Variants in ARHGEF26 observed in about 807,000 individuals in gnomAD.
ARHGEF26 encodes Rho guanine nucleotide exchange factor (GEF) 26.
Under a neutral mutation model 89.4 loss-of-function variants are expected in ARHGEF26, and 59 were observed. The observed-to-expected ratio is 0.66, with a 90% CI of 0.54 to 0.82. ARHGEF26 has a LOEUF of 0.82. ARHGEF26 is among the 40% of genes least tolerant of loss of function. The pLI is 0.00. For synonymous variants in ARHGEF26, 500 were observed against 428.4 expected (o/e 1.17, Z -2.06); for missense variants, 1,234 against 1,085.6 (o/e 1.14, Z -1.92).
At position 154,194,676 on chromosome 3, in the gene ARHGEF26, G is replaced by A. The variant is rs781353937; in HGVS notation, c.1803G>A (p.Pro601=). 1.8e-5 allele frequency: 29 copies of A among 1,612,628 alleles called. No individual in the cohort carries two copies. The East Asian group carries it at 2.0e-4, about 11-fold the overall frequency. The change falls in exon 9 of 15, where the codon CCG becomes CCA. Residue 601 remains proline, a synonymous_variant. Coordinates refer to ENST00000465093, the MANE Select transcript of ARHGEF26 (RefSeq NM_015595.4). ...TICQKTPKDS[P]KYEVCKRALK... ...GTCAAAAAACACCTAAGGACTCTCC[G>A]AAGTATGAAGTCTGCAAAAGAGCCT...
intron 6 of ARHGEF26, 109 bp downstream of exon 6, chr3:154,153,041 G>A: frequency 9.5e-7 from 1 of 1,054,190 alleles, no homozygotes; most frequent in Non-Finnish European, 1.3e-6. Flanking sequence ...CATTCAGTTG[G>A]CTTTTGTCTT....
At chr3:154,195,058 C>G (rs1355470558) in intron 9 of ARHGEF26, among the ~76,000 whole-genome samples, 1 of 152,154 alleles carries the variant, frequency 6.6e-6, no homozygotes, top group African/African-American at 2.4e-5. Flanking sequence ...ATGAGTGAGG[C>G]ACGTGTAGTC....
At position 154,256,447 on chromosome 3, in the gene ARHGEF26, C is replaced by T. The variant is rs78732135; in HGVS notation, c.*974C>T. The T allele has an allele frequency of 2.4e-3, 2,005 of 841,550 alleles. 44 individuals carry two copies. In the African/African-American group the frequency reaches 0.033, roughly 14 times the overall value. 52.1% of individuals were successfully genotyped at this position (841,550 alleles called of 1,614,324 possible). A position where few individuals can be genotyped will look rare whatever the true frequency, so the allele number is the denominator to read the frequency against. On this transcript the variant is annotated 3_prime_UTR_variant, in exon 15 of 15. Coordinates refer to ENST00000465093, the MANE Select transcript of ARHGEF26 (RefSeq NM_015595.4). Reference sequence around the variant, plus strand: ...CATGTTGGCCAGGATGGTCTCTTAACTCCTGCCCTCAAGTGATCCACCAGA... The same window carrying T: ...CATGTTGGCCAGGATGGTCTCTTAATTCCTGCCCTCAAGTGATCCACCAGA...
intron 9 of ARHGEF26, among the ~76,000 whole-genome samples, chr3:154,202,233 T>C (rs1450163880): frequency 6.6e-6 from 1 of 152,178 alleles, no homozygotes; most frequent in Non-Finnish European, 1.5e-5. Context: ...GGCTAGCCAG[T>C]TTTCCCAGCA....
At chr3:154,180,040 G>A (rs562643114) in intron 6 of ARHGEF26, among the ~76,000 whole-genome samples, 8 of 152,044 alleles carry the variant, frequency 5.3e-5, no homozygotes, top group East Asian at 1.9e-4. Context: ...CTTTTGTATC[G>A]TGGCTTATGA....
chr3:154,189,280 C>G (rs1033181094), intron 7 of ARHGEF26, among the ~76,000 whole-genome samples: 1 of 151,558 alleles, frequency 6.6e-6, no homozygotes, highest in South Asian at 2.1e-4. Context: ...ACATCATCAG[C>G]ACTTTCACGT....
At chr3:154,130,655 C>T (rs932290495) in intron 4 of ARHGEF26, among the ~76,000 whole-genome samples, 1 of 151,936 alleles carries the variant, frequency 6.6e-6, no homozygotes, top group African/African-American at 2.4e-5. Flanking sequence ...CAGTTTGATG[C>T]TTAGTTTACT....
At position 154,255,826 on chromosome 3, in the gene ARHGEF26, AGGTGACT is replaced by A. The variant is rs1316360992; in HGVS notation, c.*355_*361del. On this transcript the variant is annotated 3_prime_UTR_variant, in exon 15 of 15. Transcript: ENST00000465093. ...GGTTTTCTCTATCCTTGCATTACTA[AGGTGACT>A]GTCTCTCTTTATACATCCTTGTATG... 5.4e-5 allele frequency: 56 copies of A among 1,040,846 alleles called. No homozygotes were observed. Among genetic ancestry groups the A allele is most frequent in the Non-Finnish European group, 5.9e-5 (51 of 865,638 alleles). 64.5% of individuals were successfully genotyped at this position (1,040,846 alleles called of 1,614,324 possible).
At chr3:154,123,554 T>G (rs1344505567) in intron 2 of ARHGEF26, among the ~76,000 whole-genome samples, 1 of 152,194 alleles carries the variant, frequency 6.6e-6, no homozygotes, top group African/African-American at 2.4e-5. Context: ...TTACTGAATT[T>G]TGAGTGGTTA....
intron 5 of ARHGEF26, 83 bp from the exon 6 acceptor site, chr3:154,152,689 A>G (rs1720092436): frequency 9.1e-7 from 1 of 1,101,468 alleles, no homozygotes; most frequent in East Asian, 2.9e-5. Flanking sequence ...GTATCTTGTT[A>G]TTCTTACAGC....
In ARHGEF26 at chr3:154,130,147, A is replaced by ATTTTTTTTTT. The variant is rs55816788; in HGVS notation, c.1269+436_1269+445dup. Among the ~76,000 whole-genome samples, 811 of 105,890 alleles carry ATTTTTTTTTT rather than the reference A, an allele frequency of 7.7e-3. 41 individuals are homozygous for ATTTTTTTTTT. Among genetic ancestry groups the ATTTTTTTTTT allele is most frequent in the East Asian group, 0.018 (60 of 3,274 alleles). 69.5% of individuals were successfully genotyped at this position (105,890 alleles called of 152,430 possible). ...AGCTAGTTACAATTCTTCCTTGGAA[A>ATTTTTTTTTT]TTTTTTTTTTTTTTTTTGAGATGAG... is the stretch of plus-strand genomic sequence containing the variant. On this transcript the variant is annotated intron_variant, in intron 4 of 14. Coordinates refer to ENST00000465093, the MANE Select transcript of ARHGEF26 (RefSeq NM_015595.4).
intron 10 of ARHGEF26, among the ~76,000 whole-genome samples, chr3:154,223,795 A>G (rs1422561503): frequency 6.6e-6 from 1 of 152,180 alleles, no homozygotes; most frequent in Non-Finnish European, 1.5e-5. Context: ...TTATGAACAT[A>G]CTAGAAACCA....
At chr3:154,203,612 A>G (rs1350788921) in intron 9 of ARHGEF26, among the ~76,000 whole-genome samples, 3 of 152,110 alleles carry the variant, frequency 2.0e-5, no homozygotes, top group African/African-American at 4.8e-5. Flanking sequence ...GATACTAGCT[A>G]TGGGTCTGTC....
chr3:154,127,043 A>G (rs956354508), intron 3 of ARHGEF26, among the ~76,000 whole-genome samples: 2 of 152,184 alleles, frequency 1.3e-5, no homozygotes, highest in Admixed American at 6.5e-5. Flanking sequence ...GTACTCTTCT[A>G]TAGGACTCTT....
intron 11 of ARHGEF26, among the ~76,000 whole-genome samples, chr3:154,239,256 GA>G (rs1394269895): frequency 3.3e-5 from 2 of 61,312 alleles, no homozygotes; most frequent in Admixed American, 1.5e-4. Flanking sequence ...GACCGAGAGA[GA>G]GAGGGAGAGA....
chr3:154,224,802 A>G (rs1014999472), intron 10 of ARHGEF26, among the ~76,000 whole-genome samples: 1 of 152,234 alleles, frequency 6.6e-6, no homozygotes, highest in Non-Finnish European at 1.5e-5. Flanking sequence ...AAAATAGTAT[A>G]TAAATGATAA....
In ARHGEF26 at chr3:154,186,136, G is replaced by GACACACACACACACAC. The variant is rs60675240; in HGVS notation, c.1488-1534_1488-1519dup. Among the ~76,000 whole-genome samples, 735 of 147,024 alleles carry GACACACACACACACAC rather than the reference G, an allele frequency of 5.0e-3. 5 individuals carry two copies. The highest frequency in any genetic ancestry group is 0.016 in the African/African-American group (620 of 39,814). ...GCTACCGTTTCTCTACACACACTTAGACACACACACACACACACACACACA... is the reference window on the plus strand; with the variant it reads ...GCTACCGTTTCTCTACACACACTTAGACACACACACACACACACACACACACACACACACACACACA... On this transcript the variant is annotated intron_variant, in intron 6 of 14. Coordinates refer to ENST00000465093, the MANE Select transcript of ARHGEF26 (RefSeq NM_015595.4).
intron 11 of ARHGEF26, among the ~76,000 whole-genome samples, chr3:154,233,829 G>T (rs1215814707): frequency 6.6e-6 from 1 of 152,186 alleles, no homozygotes; most frequent in Non-Finnish European, 1.5e-5. Flanking sequence ...ACAAGGGTCT[G>T]AAAAAACGCA....
At chr3:154,170,688 G>T (rs1055641678) in intron 6 of ARHGEF26, among the ~76,000 whole-genome samples, 1 of 152,146 alleles carries the variant, frequency 6.6e-6, no homozygotes, top group African/African-American at 2.4e-5. Flanking sequence ...GAAGTTAAAC[G>T]AATCAGTCAG....
Sources: gnomAD v4.1 joint callset for allele counts (sites outside exome capture counted in the v4.1 genomes callset) on GRCh38, gnomAD v4.1.1 for gene constraint, MANE v1.5 for transcripts, NCBI Gene and HGNC (gene_info 2026-07-23, HGNC 2026-07-21) for gene names.